PRMT8: variants seen among roughly 807,000 people sequenced by gnomAD.
PRMT8 encodes protein arginine methyltransferase 8.
In PRMT8, 7 loss-of-function variants were observed where a neutral mutation model predicts 47.1. The observed-to-expected ratio is 0.15, with a 90% CI of 0.08 to 0.28. The LOEUF (loss-of-function observed/expected upper bound fraction) is 0.28. Ranked by LOEUF, PRMT8 falls within the 10% of genes least tolerant of loss-of-function variation. The probability of loss-of-function intolerance (pLI) is 1.00; values close to 1 mark genes in which losing one functional copy is unlikely to be tolerated. For synonymous variants in PRMT8, 188 were observed against 186.5 expected (o/e 1.01, Z -0.07); for missense variants, 237 against 505.4 (o/e 0.47, Z 5.09).
chr12:3,520,249 G>T (rs1327488555), intron 1 of PRMT8, among the ~76,000 whole-genome samples: 1 of 152,238 alleles, frequency 6.6e-6, no homozygotes, highest in African/African-American at 2.4e-5. Flanking sequence ...AAAACCAACG[G>T]TGCCTTCAAA....
At chr12:3,396,582 A>G (rs1334877498) in intron 1 of PRMT8, among the ~76,000 whole-genome samples, 2 of 152,128 alleles carry the variant, frequency 1.3e-5, no homozygotes, top group East Asian at 1.9e-4. Flanking sequence ...CGAAAGATCC[A>G]CTGTTAGTCT....
chr12:3,497,304 T>A, intron 1 of PRMT8, among the ~76,000 whole-genome samples: 1 of 152,170 alleles, frequency 6.6e-6, no homozygotes, highest in African/African-American at 2.4e-5. Context: ...TGTCCATGCC[T>A]CTGTCCCTGA....
upstream of PRMT8, among the ~76,000 whole-genome samples, chr12:3,486,381 C>T (rs1158289836): frequency 2.6e-5 from 4 of 152,100 alleles, no homozygotes; most frequent in African/African-American, 7.2e-5. Flanking sequence ...AGTCATTTAA[C>T]CAACTCTTCC....
chr12:3,593,311 T>C lies in PRMT8; in HGVS notation c.*129T>C. On this transcript the variant is annotated 3_prime_UTR_variant, in exon 10 of 10. Coordinates refer to ENST00000382622, the MANE Select transcript of PRMT8 (RefSeq NM_019854.5). The surrounding 1 kb of genome is among the most constrained non-coding windows in gnomAD (Gnocchi z 4.8). ...AGAGTTTTCAACTCTGCCTTGAAGA[T>C]TGGTGAACTCCCCAGGGCTCCCGTG... The C allele has an allele frequency of 1.3e-6, 1 of 772,768 alleles. No homozygotes were observed. Among genetic ancestry groups the C allele is most frequent in the Non-Finnish European group, 2.1e-6 (1 of 480,718 alleles). 47.9% of individuals were successfully genotyped at this position (772,768 alleles called of 1,614,324 possible).
chr12:3,416,119 C>T (rs113764824), intron 1 of PRMT8, among the ~76,000 whole-genome samples: 47 of 152,312 alleles, frequency 3.1e-4, no homozygotes, highest in Admixed American at 1.2e-3. Context: ...AAAGCCTCCT[C>T]GGCCTGCCTA....
chr12:3,396,855 A>C (rs1864254686), intron 1 of PRMT8, among the ~76,000 whole-genome samples: 1 of 151,954 alleles, frequency 6.6e-6, no homozygotes, highest in Non-Finnish European at 1.5e-5. Context: ...TACACCAATC[A>C]GACATAGATT....
In PRMT8 at chr12:3,493,769, G is replaced by GC. The variant is rs1865462594; in HGVS notation, c.75+2071dup. ...ATCAATGAAAACAGCAGTAGGGGCG[G>GC]CCGGGCTCCTGCGAACAACAACAAA... On this transcript the variant is annotated intron_variant, in intron 1 of 9. Coordinates refer to ENST00000382622, the MANE Select transcript of PRMT8 (RefSeq NM_019854.5). The surrounding 1 kb of genome is among the most constrained non-coding windows in gnomAD (Gnocchi z 8.2). 6.6e-6 allele frequency among the ~76,000 whole-genome samples: 1 copy of GC among 152,254 alleles called. No homozygotes were observed. Among genetic ancestry groups the GC allele is most frequent in the African/African-American group, 2.4e-5 (1 of 41,464 alleles).
intron 1 of PRMT8, among the ~76,000 whole-genome samples, chr12:3,452,440 T>A (rs980885874): frequency 1.3e-5 from 2 of 152,132 alleles, no homozygotes; most frequent in Non-Finnish European, 1.5e-5. Flanking sequence ...TCTAGCCACA[T>A]TTTTCATACA....
chr12:3,583,894 C>T lies in PRMT8; in HGVS notation c.979+686C>T, dbSNP rs1008685902. Among the ~76,000 whole-genome samples, 9 of 152,210 alleles carry T rather than the reference C, an allele frequency of 5.9e-5. No homozygotes were observed. Among genetic ancestry groups the T allele is most frequent in the African/African-American group, 1.9e-4 (8 of 41,460 alleles). On this transcript the variant is annotated intron_variant, in intron 8 of 9. Transcript: ENST00000382622. The surrounding 1 kb of genome is among the most constrained non-coding windows in gnomAD (Gnocchi z 4.7). ...TACCCCACAGGTGGCCCAGCTACACCGAGCTCCTTGCTGACTTCTAAACTC... is the reference window on the plus strand; with the variant it reads ...TACCCCACAGGTGGCCCAGCTACACTGAGCTCCTTGCTGACTTCTAAACTC...
At position 3,570,421 on chromosome 12, in the gene PRMT8, C is replaced by T. The variant is rs144659426; in HGVS notation, c.712+857C>T. 3.5e-3 allele frequency among the ~76,000 whole-genome samples: 539 copies of T among 152,296 alleles called. 3 individuals are homozygous for T. The highest frequency in any genetic ancestry group is 0.012 in the African/African-American group (495 of 41,558). On this transcript the variant is annotated intron_variant, in intron 6 of 9. Coordinates refer to ENST00000382622, the MANE Select transcript of PRMT8 (RefSeq NM_019854.5). The surrounding 1 kb of genome is among the most constrained non-coding windows in gnomAD (Gnocchi z 5.5). ...GCAAAGAACCCCTCAAACAGGCAAA[C>T]ACCCAAAAATCCAAATTAAAGCAAG...
At chr12:3,512,148 C>T (rs1448475515) in intron 1 of PRMT8, among the ~76,000 whole-genome samples, 1 of 152,182 alleles carries the variant, frequency 6.6e-6, no homozygotes, top group African/African-American at 2.4e-5. Context: ...CTCACCTGGC[C>T]AATCAGCCAG....
Position 3,514,356 on chromosome 12 carries a change from T to G in PRMT8, c.75+22656T>G, listed in dbSNP as rs548438162. 1.2e-3 allele frequency among the ~76,000 whole-genome samples: 183 copies of G among 152,176 alleles called. 2 individuals carry two copies. Among genetic ancestry groups the G allele is most frequent in the African/African-American group, 4.2e-3 (173 of 41,510 alleles). ...GGCACCAGGACCCTCTGGCTCACCT[T>G]GTGGGGGATGCCAGCACCAGATTGC... On this transcript the variant is annotated intron_variant, in intron 1 of 9. Coordinates refer to ENST00000382622, the MANE Select transcript of PRMT8 (RefSeq NM_019854.5). The surrounding 1 kb of genome is among the most constrained non-coding windows in gnomAD (Gnocchi z 5.9).
At chr12:3,428,040 AT>A (rs1433704003) in intron 1 of PRMT8, among the ~76,000 whole-genome samples, 1 of 152,194 alleles carries the variant, frequency 6.6e-6, no homozygotes, top group East Asian at 1.9e-4. Context: ...TTTAGTCCAA[AT>A]TAACTTAGAA....
chr12:3,466,794 T>A (rs1039285306), intron 1 of PRMT8, among the ~76,000 whole-genome samples: 1 of 152,138 alleles, frequency 6.6e-6, no homozygotes, highest in South Asian at 2.1e-4. Context: ...GTCTCCTGCA[T>A]TAAACAAATC....
chr12:3,386,008 T>C (rs1052490220), intron 1 of PRMT8, among the ~76,000 whole-genome samples: 5 of 152,252 alleles, frequency 3.3e-5, no homozygotes, highest in South Asian at 2.1e-4. Context: ...ATATTTGACA[T>C]GCCACACGAT....
At chr12:3,578,451 T>A (rs1021137902) in intron 7 of PRMT8, among the ~76,000 whole-genome samples, 1 of 152,092 alleles carries the variant, frequency 6.6e-6, no homozygotes, top group African/African-American at 2.4e-5. Context: ...CTCAAACTCC[T>A]GGGCTTAAGT....
chr12:3,545,536 C>G (rs928096829), intron 2 of PRMT8, among the ~76,000 whole-genome samples: 1 of 152,334 alleles, frequency 6.6e-6, no homozygotes, highest in East Asian at 1.9e-4. Context: ...GATGGCTGGG[C>G]TTCAGAATGG....
At chr12:3,442,008 C>T (rs547656603) in intron 1 of PRMT8, among the ~76,000 whole-genome samples, 1 of 152,282 alleles carries the variant, frequency 6.6e-6, no homozygotes, top group East Asian at 1.9e-4. Flanking sequence ...GAACAACTAT[C>T]CAGAAAATAC....
chr12:3,552,497 C>G lies in PRMT8; in HGVS notation c.418-1154C>G, dbSNP rs751465237. 3 of 304,068 alleles carry G rather than the reference C, an allele frequency of 9.9e-6. No individual in the cohort carries two copies. Among genetic ancestry groups the G allele is most frequent in the Non-Finnish European group, 2.0e-5 (3 of 150,808 alleles). 18.8% of individuals were successfully genotyped at this position (304,068 alleles called of 1,614,324 possible). Reference sequence around the variant, plus strand: ...TCCGGGTCGCATGCTCCTCATCACTCAACATGGTCGCCTCTTGCAGATCAG... The same window carrying G: ...TCCGGGTCGCATGCTCCTCATCACTGAACATGGTCGCCTCTTGCAGATCAG... On this transcript the variant is annotated intron_variant, in intron 3 of 9. Transcript: ENST00000382622. The surrounding 1 kb of genome is among the most constrained non-coding windows in gnomAD (Gnocchi z 4.5).
Sources: allele counts gnomAD v4.1 joint callset (sites outside exome capture counted in the v4.1 genomes callset), GRCh38; gene constraint gnomAD v4.1.1; non-coding constraint Gnocchi (gnomAD v3.1); transcripts MANE v1.5; gene names NCBI Gene and HGNC (gene_info 2026-07-23, HGNC 2026-07-21).